The following MAML2 variants were observed in gnomAD, a reference collection of about 807,000 sequenced individuals.
The protein encoded by MAML2 is mastermind like transcriptional coactivator 2, also known as mastermind-like protein 2.
Under a neutral mutation model 96.1 loss-of-function variants are expected in MAML2, and 22 were observed. That is an observed-to-expected ratio of 0.23 (90% confidence interval 0.16 to 0.33). The LOEUF (loss-of-function observed/expected upper bound fraction) is 0.33. Among genes scored for constraint, MAML2 ranks in the 10% least tolerant of loss-of-function variants. The pLI is 1.00. For synonymous variants in MAML2, 561 were observed against 521.3 expected (o/e 1.08, Z -1.04); for missense variants, 1,367 against 1,392.4 (o/e 0.98, Z 0.29).
chr11:96,008,048 T>C (rs1240328029), intron 2 of MAML2, among the ~76,000 whole-genome samples: 1 of 151,558 alleles, frequency 6.6e-6, no homozygotes, highest in Non-Finnish European at 1.5e-5. Context: ...AATTTTTCAG[T>C]GAAATGACGA....
At chr11:95,986,405 T>A (rs569364) in intron 3 of MAML2, among the ~76,000 whole-genome samples, 7,180 of 151,900 alleles carry the variant, frequency 0.047, 218 homozygotes, top group Middle Eastern at 0.082. Context: ...TTTTACCATA[T>A]TGGCCAGGCT....
chr11:96,112,819 G>A (rs1489344230), intron 1 of MAML2, among the ~76,000 whole-genome samples: 1 of 152,174 alleles, frequency 6.6e-6, no homozygotes, highest in Non-Finnish European at 1.5e-5. Context: ...AAGGAACATA[G>A]GTGGCTTAAT....
At chr11:96,077,512 C>G (rs1279240636) in intron 2 of MAML2, among the ~76,000 whole-genome samples, 1 of 152,208 alleles carries the variant, frequency 6.6e-6, no homozygotes, top group Non-Finnish European at 1.5e-5. Context: ...TGAGCCACCG[C>G]AACTGGCCTA....
chr11:96,042,872 G>T (rs1048859679), intron 2 of MAML2, among the ~76,000 whole-genome samples: 4 of 151,260 alleles, frequency 2.6e-5, no homozygotes, highest in African/African-American at 7.3e-5. Context: ...AGCCTCCTGA[G>T]TAGCTAGGAC....
At chr11:96,033,652 T>G (rs1858653367) in intron 2 of MAML2, among the ~76,000 whole-genome samples, 1 of 152,162 alleles carries the variant, frequency 6.6e-6, no homozygotes, top group Admixed American at 6.5e-5. Context: ...GAATTGACTC[T>G]TGGGGTGAAA....
At chr11:96,294,694 A>C (rs1309584659) in intron 1 of MAML2, among the ~76,000 whole-genome samples, 1 of 152,236 alleles carries the variant, frequency 6.6e-6, no homozygotes, top group Non-Finnish European at 1.5e-5. Context: ...ATAAACAAAG[A>C]GGTAACATTT....
At chr11:96,285,518 A>G (rs1476571567) in intron 1 of MAML2, among the ~76,000 whole-genome samples, 1 of 152,208 alleles carries the variant, frequency 6.6e-6, no homozygotes, top group African/African-American at 2.4e-5. Flanking sequence ...AAAAGAAACT[A>G]TCATCAGAGT....
intron 1 of MAML2, among the ~76,000 whole-genome samples, chr11:96,286,722 T>C (rs1863146129): frequency 6.6e-6 from 1 of 151,806 alleles, no homozygotes. Context: ...GTGTACAAAA[T>C]GAATATACAT....
chr11:96,251,416 A>AT (rs1406489904), intron 1 of MAML2, among the ~76,000 whole-genome samples: 1 of 152,266 alleles, frequency 6.6e-6, no homozygotes, highest in African/African-American at 2.4e-5. Flanking sequence ...GTCTTATAAC[A>AT]TTTTTTATGG....
chr11:95,983,505 T>C (rs1040527587), intron 4 of MAML2, among the ~76,000 whole-genome samples: 3 of 152,154 alleles, frequency 2.0e-5, no homozygotes, highest in African/African-American at 7.2e-5. Context: ...CTAGGATGAC[T>C]ATAGTTAAGG....
intron 1 of MAML2, among the ~76,000 whole-genome samples, chr11:96,111,815 T>C (rs956445715): frequency 6.6e-6 from 1 of 152,252 alleles, no homozygotes; most frequent in Non-Finnish European, 1.5e-5. Flanking sequence ...ATCCAAAGCA[T>C]GGAAATTGTT....
chr11:96,325,868 A>T (rs1180935441), intron 1 of MAML2, among the ~76,000 whole-genome samples: 1 of 152,190 alleles, frequency 6.6e-6, no homozygotes, highest in Non-Finnish European at 1.5e-5. Flanking sequence ...GTGCAGGCAG[A>T]TGTCCAGGCT....
intron 1 of MAML2, among the ~76,000 whole-genome samples, chr11:96,141,119 A>G (rs190051973): frequency 1.3e-5 from 2 of 152,256 alleles, no homozygotes; most frequent in Admixed American, 6.5e-5. Flanking sequence ...AGATAAGCCT[A>G]GGTATATGGG....
At chr11:96,038,401 C>T (rs1003125436) in intron 2 of MAML2, among the ~76,000 whole-genome samples, 2 of 152,198 alleles carry the variant, frequency 1.3e-5, no homozygotes, top group African/African-American at 4.8e-5. Context: ...CTACTGAACA[C>T]ATCTTAGGAA....
At chr11:96,021,398 T>A (rs76816143) in intron 2 of MAML2, among the ~76,000 whole-genome samples, 58 of 152,210 alleles carry the variant, frequency 3.8e-4, no homozygotes, top group Non-Finnish European at 7.3e-4. Context: ...AGGATACGAA[T>A]CCATCATGAC....
chr11:96,017,238 G>A (rs188832148), intron 2 of MAML2, among the ~76,000 whole-genome samples: 37 of 152,258 alleles, frequency 2.4e-4, no homozygotes, highest in East Asian at 7.7e-4. Context: ...AGTAAATGGC[G>A]AATCTAAATC....
In MAML2 at chr11:95,976,780, G is replaced by T. The variant is rs1453949948; in HGVS notation, c.*2168C>A. The stretch of plus-strand genomic sequence containing the variant: ...TAAGCTGACTCACAGGAGTGTAACT[G>T]GGAAGTGCTGGCAGATATATACAGT... On this transcript the variant is annotated 3_prime_UTR_variant, in exon 5 of 5. Coordinates refer to ENST00000524717, the MANE Select transcript of MAML2 (RefSeq NM_032427.4). The T allele has an allele frequency of 5.4e-6, 1 of 184,600 alleles. No homozygotes were observed. Among genetic ancestry groups the T allele is most frequent in the Non-Finnish European group, 1.1e-5 (1 of 87,066 alleles). The allele number at this position is 184,600 out of a possible 1,614,324, so 11.4% of individuals were successfully genotyped here.
At chr11:96,332,533 G>A (rs527319573) in intron 1 of MAML2, among the ~76,000 whole-genome samples, 7 of 152,228 alleles carry the variant, frequency 4.6e-5, no homozygotes, top group African/African-American at 9.6e-5. Context: ...TTTACTAAAC[G>A]GTTGCCTCTG....
At chr11:96,084,110 G>A (rs1183912091) in intron 2 of MAML2, among the ~76,000 whole-genome samples, 2 of 152,130 alleles carry the variant, frequency 1.3e-5, no homozygotes, top group Non-Finnish European at 2.9e-5. Flanking sequence ...TATTATGAAG[G>A]TTGCTAAGTG....
Sources: allele counts gnomAD v4.1 joint callset (sites outside exome capture counted in the v4.1 genomes callset), GRCh38; gene constraint gnomAD v4.1.1; transcripts MANE v1.5; gene names NCBI Gene and HGNC (gene_info 2026-07-23, HGNC 2026-07-21).